Variants in UGGT2 observed in about 807,000 individuals in gnomAD.
UGGT2 encodes UDP-glucose glycoprotein glucosyltransferase 2, also known as UDP-glucose:glycoprotein glucosyltransferase 2.
In UGGT2, 180 loss-of-function variants were observed where a neutral mutation model predicts 192.1. The ratio of observed to expected loss-of-function variants is 0.94; its 90% CI spans 0.83 to 1.06. The LOEUF is 1.06. UGGT2 is among the 50% of genes least tolerant of loss of function. The pLI, the probability that UGGT2 is intolerant of heterozygous loss-of-function variation, is 0.00. For missense variants in UGGT2, 1,849 were observed against 1,795.7 expected, an observed-to-expected ratio of 1.03 and a Z score of -0.54; for synonymous variants, 580 against 591.0, an observed-to-expected ratio of 0.98 and a Z score of 0.27.
chr13:95,939,377 G>A (rs748813969), intron 16 of UGGT2, among the ~76,000 whole-genome samples: 7 of 151,578 alleles, frequency 4.6e-5, no homozygotes, highest in Non-Finnish European at 1.0e-4. Context: ...AATGTGTTGC[G>A]TATTTGGTGA....
At chr13:96,032,858 G>C (rs576730842) in intron 1 of UGGT2, among the ~76,000 whole-genome samples, 5 of 152,308 alleles carry the variant, frequency 3.3e-5, no homozygotes, top group Admixed American at 2.0e-4. Flanking sequence ...AAGTCAGAAA[G>C]ACTGATTAAT....
chr13:95,887,636 T>C (rs1285103211), intron 26 of UGGT2, among the ~76,000 whole-genome samples: 3 of 152,150 alleles, frequency 2.0e-5, no homozygotes, highest in Non-Finnish European at 4.4e-5. Context: ...AAATCACATT[T>C]CCAAAAATAC....
intron 17 of UGGT2, among the ~76,000 whole-genome samples, chr13:95,930,220 GCTGT>G (rs569417160): frequency 3.5e-4 from 53 of 152,032 alleles, no homozygotes; most frequent in Non-Finnish European, 6.5e-4. Flanking sequence ...TATTCTGTAG[GCTGT>G]CTGTTTACTC....
chr13:95,969,327 G>T (rs1402996930), intron 12 of UGGT2, among the ~76,000 whole-genome samples: 1 of 152,134 alleles, frequency 6.6e-6, no homozygotes, highest in African/African-American at 2.4e-5. Flanking sequence ...ACATCATTTT[G>T]CTCTACTAAG....
At chr13:95,907,479 C>G (rs949534220) in intron 20 of UGGT2, among the ~76,000 whole-genome samples, 1 of 145,002 alleles carries the variant, frequency 6.9e-6, no homozygotes. Context: ...TGTAGCCTAA[C>G]TGGGAGACAC....
chr13:95,925,576 GA>G lies in UGGT2; in HGVS notation c.2295+103del. 6.2e-6 allele frequency: 5 copies of G among 812,604 alleles called. No individual in the cohort carries two copies. In the South Asian group the frequency reaches 1.1e-4, roughly 17 times the overall value. 50.3% of individuals were successfully genotyped at this position (812,604 alleles called of 1,614,324 possible). On this transcript the variant is annotated intron_variant, in intron 20 of 38. Transcript: ENST00000376747. Reference sequence around the variant, plus strand: ...TCTGAATTCCTTCGTCTACTTAACTGAAACATTAACATGGAGGGGAAAATAT... The same window carrying G: ...TCTGAATTCCTTCGTCTACTTAACTGAACATTAACATGGAGGGGAAAATAT...
At chr13:95,949,655 T>G (rs2049994948) in intron 12 of UGGT2, among the ~76,000 whole-genome samples, 1 of 152,218 alleles carries the variant, frequency 6.6e-6, no homozygotes, top group Admixed American at 6.5e-5. Flanking sequence ...GCCTTTTACA[T>G]TAAGCCTTCT....
chr13:95,880,067 C>T (rs2047450611), intron 27 of UGGT2, among the ~76,000 whole-genome samples: 1 of 152,030 alleles, frequency 6.6e-6, no homozygotes, highest in African/African-American at 2.4e-5. Context: ...TGACAGGCCC[C>T]GGGTGTGTGA....
At chr13:95,917,117 T>G (rs1347259908) in intron 20 of UGGT2, among the ~76,000 whole-genome samples, 5 of 152,048 alleles carry the variant, frequency 3.3e-5, no homozygotes, top group Non-Finnish European at 7.4e-5. Context: ...AAGGTTGAAA[T>G]GAAAGAAGAA....
At chr13:96,004,548 T>C (rs543412210) in intron 5 of UGGT2, among the ~76,000 whole-genome samples, 1 of 152,252 alleles carries the variant, frequency 6.6e-6, no homozygotes, top group African/African-American at 2.4e-5. Context: ...TTTATTGTTT[T>C]AGGGTACATG....
At chr13:95,823,905 T>C (rs941954640) in intron 38 of UGGT2, among the ~76,000 whole-genome samples, 3 of 152,124 alleles carry the variant, frequency 2.0e-5, no homozygotes, top group Admixed American at 1.3e-4. Context: ...TTAGTGCATG[T>C]TGAACTTTTG....
intron 15 of UGGT2, among the ~76,000 whole-genome samples, chr13:95,940,478 C>T (rs1207994184): frequency 8.0e-6 from 1 of 125,280 alleles, no homozygotes; most frequent in Non-Finnish European, 1.6e-5. Flanking sequence ...TTTTTTGAGA[C>T]AGGGTCTTAC....
chr13:95,982,937 T>C (rs548702831), intron 10 of UGGT2, among the ~76,000 whole-genome samples: 1 of 152,350 alleles, frequency 6.6e-6, no homozygotes, highest in East Asian at 1.9e-4. Flanking sequence ...ACCATCATTG[T>C]AGTTGTCATC....
At position 95,982,888 on chromosome 13, in the gene UGGT2, C is replaced by A. The variant is rs147098123; in HGVS notation, c.1092+916G>T. On this transcript the variant is annotated intron_variant, in intron 10 of 38. Transcript: ENST00000376747. ...AGGAATGATGTGTTGTGGTTCCTAA[C>A]ACCTGTTCTCCAATGAACTATGCAT... 1.4e-3 allele frequency among the ~76,000 whole-genome samples: 213 copies of A among 152,272 alleles called. 1 individual carries two copies. The highest frequency in any genetic ancestry group is 2.4e-3 in the Non-Finnish European group (163 of 68,014).
chr13:95,822,590 G>A (rs565064326), intron 38 of UGGT2, among the ~76,000 whole-genome samples: 3 of 151,820 alleles, frequency 2.0e-5, no homozygotes, highest in East Asian at 1.9e-4. Flanking sequence ...CTAATAGTTC[G>A]TACATGTAAA....
At chr13:95,847,246 T>C (rs894187349) in intron 36 of UGGT2, among the ~76,000 whole-genome samples, 4 of 152,124 alleles carry the variant, frequency 2.6e-5, no homozygotes, top group Non-Finnish European at 5.9e-5. Flanking sequence ...TACTCCCCTA[T>C]TATCAACACC....
chr13:95,823,453 G>A (rs991705896), intron 38 of UGGT2, among the ~76,000 whole-genome samples: 1 of 151,982 alleles, frequency 6.6e-6, no homozygotes. Flanking sequence ...CCAGTGTTAG[G>A]TGCATATAAA....
At chr13:95,830,939 T>C (rs1463025788) in intron 38 of UGGT2, among the ~76,000 whole-genome samples, 1 of 152,152 alleles carries the variant, frequency 6.6e-6, no homozygotes, top group African/African-American at 2.4e-5. Context: ...CACGGAATAC[T>C]ATGCAGCCTT....
At chr13:95,957,191 T>C (rs1301625373) in intron 12 of UGGT2, among the ~76,000 whole-genome samples, 1 of 152,200 alleles carries the variant, frequency 6.6e-6, no homozygotes, top group Non-Finnish European at 1.5e-5. Flanking sequence ...GGATTTAATG[T>C]TTAATGTGAA....
Sources: gnomAD v4.1 joint callset for allele counts (sites outside exome capture counted in the v4.1 genomes callset) on GRCh38, gnomAD v4.1.1 for gene constraint, MANE v1.5 for transcripts, NCBI Gene and HGNC (gene_info 2026-07-23, HGNC 2026-07-21) for gene names.